The following HABP2 variants were observed in gnomAD, a reference collection of about 807,000 sequenced individuals.
HABP2 encodes the protein hyaluronan binding protein 2.
HABP2 carries 65 observed loss-of-function variants against 66.5 expected under a neutral mutation model. That is an observed-to-expected ratio of 0.98 (90% CI 0.80 to 1.20). The LOEUF (loss-of-function observed/expected upper bound fraction) is 1.20, where lower values mean the gene tolerates loss of function less well. HABP2 is among the 50% of genes most tolerant of loss of function. The probability of loss-of-function intolerance (pLI) is 0.00; values close to 1 mark genes in which losing one functional copy is unlikely to be tolerated. For missense variants in HABP2, 786 were observed against 691.0 expected, an observed-to-expected ratio of 1.14 and a Z score of -1.54; for synonymous variants, 263 against 253.9, an observed-to-expected ratio of 1.04 and a Z score of -0.34.
intron 3 of HABP2, 136 bp downstream of exon 3, chr10:113,574,541 C>A: frequency 1.7e-6 from 1 of 586,366 alleles, no homozygotes; most frequent in Non-Finnish European, 3.1e-6. Flanking sequence ...ATTATTTGGA[C>A]TGGCTTTTTT....
Position 113,581,953 on chromosome 10 carries a change from A to T in HABP2, c.916A>T (p.Ile306Leu), listed in dbSNP as rs1845542313. Residue 306 changes from isoleucine (I) to leucine (L), a missense_variant, in exon 9 of 13, where the codon ATA becomes TTA. Coordinates refer to ENST00000351270, the MANE Select transcript of HABP2 (RefSeq NM_004132.5). ...GTTTGACTCCTGTGGAAAGACTGAGATAGCAGAGAGGAAGATCAAGAGAAT... is the reference window on the plus strand; with the variant it reads ...GTTTGACTCCTGTGGAAAGACTGAGTTAGCAGAGAGGAAGATCAAGAGAAT... ...PGFDSCGKTEIAERKIKRIYG... is the reference protein window; with the variant it reads ...PGFDSCGKTELAERKIKRIYG... 6.2e-7 allele frequency: 1 copy of T among 1,614,100 alleles called. No individual in the cohort carries two copies. Among genetic ancestry groups the T allele is most frequent in the Non-Finnish European group, 8.5e-7 (1 of 1,180,012 alleles).
chr10:113,584,282 G>C lies in HABP2; in HGVS notation c.1372G>C (p.Gly458Arg). The C allele has an allele frequency of 3.1e-6, 5 of 1,613,958 alleles. No individual in the cohort carries two copies. Among genetic ancestry groups the C allele is most frequent in the Middle Eastern group, 3.3e-4 (2 of 6,056 alleles). The stretch of plus-strand genomic sequence containing the variant: ...CTCTGGCTGGGGTGTTACAGAAACA[G>C]GTGAGTCGGCCATGCACTCTCCCAT... ...HISGWGVTET[G>R]KGSRQLLDAK... Residue 458 changes from glycine to arginine, a missense_variant and splice_region_variant, in exon 11 of 13, where the codon GGA becomes CGA. By Grantham distance (125) the Gly-to-Arg change is moderately radical. Coordinates refer to ENST00000351270, the MANE Select transcript of HABP2 (RefSeq NM_004132.5).
Position 113,577,956 on chromosome 10 carries a change from C to T in HABP2, c.449-70C>T, listed in dbSNP as rs1294935962. The stretch of plus-strand genomic sequence containing the variant: ...CACCAGTAGAATGCCACCAATGTCT[C>T]CTTGTCATCTCAGACATGGGCTGCA... On this transcript the variant is annotated intron_variant, in intron 5 of 12. Coordinates refer to ENST00000351270, the MANE Select transcript of HABP2 (RefSeq NM_004132.5). 1.3e-5 allele frequency: 20 copies of T among 1,573,476 alleles called. No individual in the cohort carries two copies. In the Admixed American group the frequency reaches 2.5e-4, roughly 20 times the overall value.
Position 113,589,449 on chromosome 10 carries a change from C to T in HABP2, c.*1080C>T. ...AGGTTTGCCTCTGCAGAACTAATGG[C>T]TGTGACTTCAGAGAAAGCCCTGCAG... On this transcript the variant is annotated 3_prime_UTR_variant, in exon 13 of 13. Transcript: ENST00000351270. 1 of 614,750 alleles carries T rather than the reference C, an allele frequency of 1.6e-6. No homozygotes were observed. Among genetic ancestry groups the T allele is most frequent in the South Asian group, 2.1e-5 (1 of 47,820 alleles). 38.1% of individuals were successfully genotyped at this position (614,750 alleles called of 1,614,324 possible). A position where few individuals can be genotyped will look rare whatever the true frequency, so the allele number is the denominator to read the frequency against.
rs764200986 is a variant in HABP2, at chr10:113,574,265, TCTGTC to T, written c.107-19_107-15del. The T allele has an allele frequency of 1.2e-4, 138 of 1,158,052 alleles. 2 individuals are homozygous for T. In the South Asian group the frequency reaches 1.6e-3, roughly 13 times the overall value. 71.7% of individuals were successfully genotyped at this position (1,158,052 alleles called of 1,614,324 possible). A position where few individuals can be genotyped will look rare whatever the true frequency, so the allele number is the denominator to read the frequency against. The stretch of plus-strand genomic sequence containing the variant: ...TTTGAGTGTAATGATTAGGATTTCT[TCTGTC>T]CTGTTACCATCCCTGCAGACTGGAC... On this transcript the variant is annotated intron_variant, in intron 2 of 12. Coordinates refer to ENST00000351270, the MANE Select transcript of HABP2 (RefSeq NM_004132.5).
At chr10:113,583,161 G>T in intron 9 of HABP2, 55 bp from the exon 10 acceptor site, 1 of 1,562,472 alleles carries the variant, frequency 6.4e-7, no homozygotes, top group African/African-American at 1.4e-5. Context: ...TTTGCCAAAG[G>T]CCACACAGCT....
At chr10:113,561,588 G>A (rs1845101233) in intron 1 of HABP2, among the ~76,000 whole-genome samples, 1 of 152,124 alleles carries the variant, frequency 6.6e-6, no homozygotes, top group African/African-American at 2.4e-5. Context: ...AGGAAGAAGA[G>A]ATGGTGTGAT....
intron 2 of HABP2, 117 bp from the exon 3 acceptor site, chr10:113,574,172 A>C (rs569787855): frequency 3.5e-5 from 23 of 656,232 alleles, no homozygotes; most frequent in Non-Finnish European, 5.8e-5. Context: ...GGAGAGACAC[A>C]TGATTCCTCC....
At chr10:113,574,931 G>A (rs891537456) in intron 3 of HABP2, among the ~76,000 whole-genome samples, 6 of 152,048 alleles carry the variant, frequency 3.9e-5, no homozygotes, top group African/African-American at 7.3e-5. Context: ...GTTAGATTGT[G>A]TGTGTGTATG....
chr10:113,576,184 G>A (rs1845406064), intron 4 of HABP2, among the ~76,000 whole-genome samples, 180 bp downstream of exon 4: 2 of 152,204 alleles, frequency 1.3e-5, no homozygotes, highest in Admixed American at 1.3e-4. Flanking sequence ...CCCCTGCACT[G>A]TGAGATGGAA....
intron 1 of HABP2, among the ~76,000 whole-genome samples, chr10:113,557,053 T>C (rs4918842): frequency 0.16 from 23,746 of 152,090 alleles, 2,698 homozygotes; most frequent in East Asian, 0.45. Flanking sequence ...TATTGACTTA[T>C]CGGACCAAGT....
chr10:113,587,338 CA>C (rs59296183), intron 12 of HABP2, among the ~76,000 whole-genome samples: 5 of 150,926 alleles, frequency 3.3e-5, no homozygotes, highest in African/African-American at 7.3e-5. Context: ...AACAAACAAA[CA>C]AAAAAAAACC....
intron 9 of HABP2, among the ~76,000 whole-genome samples, chr10:113,582,911 G>A (rs953931121): frequency 6.6e-6 from 1 of 152,212 alleles, no homozygotes; most frequent in Non-Finnish European, 1.5e-5. Context: ...GCAAACATTA[G>A]CACCTGCCAA....
intron 12 of HABP2, among the ~76,000 whole-genome samples, chr10:113,587,597 T>G (rs894523442): frequency 2.0e-5 from 3 of 152,174 alleles, no homozygotes; most frequent in Non-Finnish European, 4.4e-5. Flanking sequence ...CAGTATTAAG[T>G]TTTTGAGAGC....
upstream of HABP2, chr10:113,552,894 A>C: frequency 4.2e-5 from 19 of 450,016 alleles, no homozygotes; most frequent in East Asian, 7.3e-5. Context: ...TCTCCCCAGA[A>C]GAGAAACCAC....
Position 113,564,298 on chromosome 10 carries a change from G to T in HABP2, c.70-3191G>T, listed in dbSNP as rs563333581. ...CTCCTATGACACATGGGAATTATGG[G>T]AGCTACAATTCAAGATGAGATTTGG... On this transcript the variant is annotated intron_variant, in intron 1 of 12. Coordinates refer to ENST00000351270, the MANE Select transcript of HABP2 (RefSeq NM_004132.5). Among the ~76,000 whole-genome samples the T allele has an allele frequency of 1.1e-4, 17 of 152,196 alleles. No homozygotes were observed. In the South Asian group the frequency reaches 3.1e-3, roughly 28 times the overall value.
At chr10:113,555,779 C>A (rs1344328303) in intron 1 of HABP2, among the ~76,000 whole-genome samples, 1 of 152,142 alleles carries the variant, frequency 6.6e-6, no homozygotes, top group Non-Finnish European at 1.5e-5. Context: ...AGATACAAAC[C>A]CAGAGATGTT....
In HABP2 at chr10:113,563,102, A is replaced by G. The variant is rs116834461; in HGVS notation, c.70-4387A>G. Among the ~76,000 whole-genome samples, 527 of 152,354 alleles carry G rather than the reference A, an allele frequency of 3.5e-3. 2 individuals carry two copies. The highest frequency in any genetic ancestry group is 0.012 in the African/African-American group (501 of 41,578). On this transcript the variant is annotated intron_variant, in intron 1 of 12. Coordinates refer to ENST00000351270, the MANE Select transcript of HABP2 (RefSeq NM_004132.5). ...AGACAAAATGTCCGTAAAATATTTA[A>G]CACAGTTGATGGCACATTGTCAGCT...
At chr10:113,581,381 G>A (rs1845527199) in intron 8 of HABP2, among the ~76,000 whole-genome samples, 1 of 152,160 alleles carries the variant, frequency 6.6e-6, no homozygotes. Context: ...AACATTTACT[G>A]CTCTCTCCTT....
Sources: allele counts gnomAD v4.1 joint callset (sites outside exome capture counted in the v4.1 genomes callset), GRCh38; gene constraint gnomAD v4.1.1; transcripts MANE v1.5; gene names NCBI Gene and HGNC (gene_info 2026-07-23, HGNC 2026-07-21).